NFATC2: variants seen among roughly 807,000 people sequenced by gnomAD.
NFATC2 encodes nuclear factor of activated T cells 2, also known as nuclear factor of activated T-cells, cytoplasmic 2.
In NFATC2, 22 loss-of-function variants were observed where a neutral mutation model predicts 87.3. The ratio of observed to expected loss-of-function variants is 0.25; its 90% CI spans 0.18 to 0.36. The LOEUF is 0.36. NFATC2 is among the 10% of genes least tolerant of loss of function. The probability of loss-of-function intolerance (pLI) is 1.00; values close to 1 mark genes in which losing one functional copy is unlikely to be tolerated. For missense variants in NFATC2, 1,149 were observed against 1,259.1 expected (o/e 0.91, Z 1.32); for synonymous variants, 565 against 542.2 (o/e 1.04, Z -0.58).
At chr20:51,477,582 AAAT>A in intron 3 of NFATC2, among the ~76,000 whole-genome samples, 1 of 87,486 alleles carries the variant, frequency 1.1e-5, no homozygotes, top group Non-Finnish European at 2.9e-5. Flanking sequence ...TATATATATA[AAAT>A]AACAAGAGAC....
At chr20:51,506,381 G>A (rs913359012) in intron 3 of NFATC2, among the ~76,000 whole-genome samples, 3 of 152,124 alleles carry the variant, frequency 2.0e-5, no homozygotes, top group Admixed American at 6.6e-5. Flanking sequence ...TGCTAGAGTC[G>A]GCCCATAGTC....
intron 6 of NFATC2, among the ~76,000 whole-genome samples, chr20:51,436,859 G>A (rs1339473780): frequency 2.6e-5 from 4 of 152,258 alleles, no homozygotes; most frequent in African/African-American, 4.8e-5. Flanking sequence ...TCCCAGACAC[G>A]CCTCCTTGGT....
Position 51,524,248 on chromosome 20 carries a change from G to T in NFATC2, c.131-138C>A. On this transcript the variant is annotated intron_variant, in intron 1 of 10. Transcript: ENST00000371564. The surrounding 1 kb of genome is among the most constrained non-coding windows in gnomAD (Gnocchi z 4.0). ...CACCATGCCAAACCCCAAGCTAGAAGCTCCGTCCCTCACCAGAAGAAAACT... is the reference window on the plus strand; with the variant it reads ...CACCATGCCAAACCCCAAGCTAGAATCTCCGTCCCTCACCAGAAGAAAACT... 1.3e-6 allele frequency: 1 copy of T among 764,724 alleles called. No individual in the cohort carries two copies. The highest frequency in any genetic ancestry group is 1.8e-6 in the Non-Finnish European group (1 of 544,100). 47.4% of individuals were successfully genotyped at this position (764,724 alleles called of 1,614,324 possible).
upstream of NFATC2, among the ~76,000 whole-genome samples, chr20:51,543,384 G>T (rs1372031799): frequency 2.0e-5 from 3 of 152,224 alleles, no homozygotes; most frequent in Non-Finnish European, 4.4e-5. Flanking sequence ...TATGGGGCCA[G>T]GAGAGAACTC....
At chr20:51,497,954 G>A (rs1003076052) in intron 3 of NFATC2, among the ~76,000 whole-genome samples, 9 of 152,050 alleles carry the variant, frequency 5.9e-5, no homozygotes, top group East Asian at 5.8e-4. Context: ...GAACACCCAC[G>A]GCATACTTCT....
intron 5 of NFATC2, among the ~76,000 whole-genome samples, chr20:51,463,176 A>G (rs1987329504): frequency 6.6e-6 from 1 of 152,206 alleles, no homozygotes; most frequent in East Asian, 1.9e-4. Flanking sequence ...GCCAGCAGAC[A>G]GGCCCCTCAG....
intron 1 of NFATC2, among the ~76,000 whole-genome samples, chr20:51,541,614 G>A (rs1054931641): frequency 6.6e-6 from 1 of 152,160 alleles, no homozygotes; most frequent in South Asian, 2.1e-4. Context: ...AATCCATGCT[G>A]CAGCTGCCCC....
chr20:51,391,453 T>C lies in NFATC2; in HGVS notation c.*45-2A>G. 1 of 816,600 alleles carries C rather than the reference T, an allele frequency of 1.2e-6. No individual in the cohort carries two copies. The highest frequency in any genetic ancestry group is 4.7e-5 in the East Asian group (1 of 21,158). The allele number at this position is 816,600 out of a possible 1,614,324, so 50.6% of individuals were successfully genotyped here. On this transcript the variant is annotated splice_acceptor_variant, in intron 10 of 10. Coordinates refer to ENST00000371564, the MANE Select transcript of NFATC2 (RefSeq NM_012340.5). LOFTEE classifies it low-confidence loss of function (3UTR_SPLICE). Reference sequence around the variant, plus strand: ...ACTCCTTCCTGATAATTTCATTAACTACAAAAGAAAAGAGGAGGGGGGGGG... The same window carrying C: ...ACTCCTTCCTGATAATTTCATTAACCACAAAAGAAAAGAGGAGGGGGGGGG...
Position 51,432,727 on chromosome 20 carries a change from C to G in NFATC2, c.2062G>C (p.Glu688Gln). The change falls in exon 9 of 11, where the codon GAA becomes CAA. Residue 688 changes from glutamate (E) to glutamine (Q), a missense_variant. Physicochemically the swap from Glu to Gln is conservative, Grantham distance 29. Transcript: ENST00000371564. The surrounding 1 kb of genome is among the most constrained non-coding windows in gnomAD (Gnocchi z 4.6). ...VPAIKTEPTD[E>Q]YDPTLICSPT... ...CTGCAGATCAGAGTGGGGTCATATT[C>G]ATCCGTGGGCTCCGTCTTGATGGCT... 1 of 1,584,884 alleles carries G rather than the reference C, an allele frequency of 6.3e-7. No homozygotes were observed.
chr20:51,514,940 G>T (rs916508963), intron 3 of NFATC2, among the ~76,000 whole-genome samples: 10 of 152,210 alleles, frequency 6.6e-5, no homozygotes, highest in African/African-American at 2.4e-4. Flanking sequence ...TCAGAAGACT[G>T]CGGTCCCCAA....
intron 6 of NFATC2, among the ~76,000 whole-genome samples, 170 bp downstream of exon 6, chr20:51,454,378 T>A (rs553056488): frequency 6.6e-6 from 1 of 152,354 alleles, no homozygotes; most frequent in East Asian, 1.9e-4. Flanking sequence ...ATTCATGCAA[T>A]GGCGAATGGT....
At chr20:51,538,683 A>C (rs1333334089) in intron 1 of NFATC2, among the ~76,000 whole-genome samples, 1 of 152,240 alleles carries the variant, frequency 6.6e-6, no homozygotes, top group African/African-American at 2.4e-5. Context: ...ATATTAATTG[A>C]ACACCTCCAT....
chr20:51,491,192 C>A (rs1251377956), intron 3 of NFATC2, among the ~76,000 whole-genome samples: 2 of 152,050 alleles, frequency 1.3e-5, no homozygotes, highest in African/African-American at 4.8e-5. Context: ...AAATTTTTAA[C>A]CTTTTTTTGC....
chr20:51,561,484 A>AAAGCAAGCAAGCAAGCAAGC (rs377087625), intron 1 of NFATC2, among the ~76,000 whole-genome samples: 9 of 90,054 alleles, frequency 1.0e-4, no homozygotes, highest in Non-Finnish European at 1.3e-4. Flanking sequence ...AGAAAGAAAG[A>AAAGCAAGCAAGCAAGCAAGC]AAGCAAGCAA....
intron 9 of NFATC2, chr20:51,399,321 A>ACTC (rs1372772880): frequency 6.6e-6 from 1 of 152,452 alleles, no homozygotes; most frequent in Non-Finnish European, 1.5e-5. Context: ...TGTAAATAAT[A>ACTC]CTCCTCTCTA....
upstream of NFATC2, chr20:51,562,684 A>C: frequency 6.7e-7 from 1 of 1,500,164 alleles, no homozygotes; most frequent in Admixed American, 2.0e-5. The surrounding 1 kb of genome is among the most constrained non-coding windows in gnomAD (Gnocchi z 5.8). Flanking sequence ...GTTTGTATCG[A>C]CCAGCAGCCG....
At chr20:51,462,035 C>T (rs952330249) in intron 5 of NFATC2, among the ~76,000 whole-genome samples, 2 of 152,098 alleles carry the variant, frequency 1.3e-5, no homozygotes, top group African/African-American at 4.8e-5. Flanking sequence ...AAGAGAATTG[C>T]TTGACCTGGG....
intron 3 of NFATC2, among the ~76,000 whole-genome samples, chr20:51,481,089 C>G (rs1458325438): frequency 6.6e-6 from 1 of 152,182 alleles, no homozygotes; most frequent in East Asian, 1.9e-4. Context: ...CCATCCTCCC[C>G]TCCTACAAAA....
chr20:51,529,520 C>A (rs750569429), intron 1 of NFATC2, among the ~76,000 whole-genome samples: 1 of 152,166 alleles, frequency 6.6e-6, no homozygotes, highest in Non-Finnish European at 1.5e-5. Context: ...GGCTGAGATT[C>A]GTCACTATTT....
Sources: allele counts gnomAD v4.1 joint callset (sites outside exome capture counted in the v4.1 genomes callset), GRCh38; gene constraint gnomAD v4.1.1; non-coding constraint Gnocchi (gnomAD v3.1); transcripts MANE v1.5; gene names NCBI Gene and HGNC (gene_info 2026-07-23, HGNC 2026-07-21).